The following CREB5 variants were observed in gnomAD, a reference collection of about 807,000 sequenced individuals.
CREB5 encodes the protein cyclic AMP-responsive element-binding protein 5.
A neutral mutation model predicts 57.1 loss-of-function variants in CREB5; 19 were observed. That is an observed-to-expected ratio of 0.33 (90% CI 0.23 to 0.49). CREB5 has a LOEUF of 0.49. Among genes scored for constraint, CREB5 ranks in the 20% least tolerant of loss-of-function variants. The pLI, the probability that CREB5 is intolerant of heterozygous loss-of-function variation, is 0.99. For missense variants in CREB5, 579 were observed against 671.6 expected, an observed-to-expected ratio of 0.86 and a Z score of 1.52; for synonymous variants, 238 against 238.3, an observed-to-expected ratio of 1.00 and a Z score of 0.01.
chr7:28,604,866 G>T (rs546242171), intron 5 of CREB5, among the ~76,000 whole-genome samples: 327 of 151,984 alleles, frequency 2.2e-3, no homozygotes, highest in Non-Finnish European at 4.1e-3. Flanking sequence ...TTTTTCCTTT[G>T]TTTTATTTTT....
intron 1 of CREB5, among the ~76,000 whole-genome samples, chr7:28,361,612 T>C (rs1786485131): frequency 6.6e-6 from 1 of 152,222 alleles, no homozygotes; most frequent in African/African-American, 2.4e-5. Flanking sequence ...CTTGAGTTTA[T>C]TCCTCTGGGG....
At chr7:28,747,941 T>G (rs529867842) in intron 7 of CREB5, among the ~76,000 whole-genome samples, 13 of 152,178 alleles carry the variant, frequency 8.5e-5, no homozygotes, top group African/African-American at 2.6e-4. Context: ...TAACAGGCCC[T>G]TCTAGAATCA....
At chr7:28,773,063 T>C (rs1806415660) in intron 7 of CREB5, among the ~76,000 whole-genome samples, 2 of 152,254 alleles carry the variant, frequency 1.3e-5, no homozygotes, top group Admixed American at 1.3e-4. Flanking sequence ...GTTAGTCTTA[T>C]TTTCAACATG....
chr7:28,660,952 A>G (rs181838053), intron 5 of CREB5, among the ~76,000 whole-genome samples: 2 of 152,170 alleles, frequency 1.3e-5, no homozygotes, highest in African/African-American at 4.8e-5. Context: ...GGTTCCAACC[A>G]CTTTGGCAAT....
intron 5 of CREB5, among the ~76,000 whole-genome samples, chr7:28,606,722 T>G (rs1475527114): frequency 6.6e-6 from 1 of 152,210 alleles, no homozygotes; most frequent in East Asian, 1.9e-4. Context: ...AGATATAAGT[T>G]TATCTGGTGA....
At chr7:28,621,638 TAA>T (rs1797795170) in intron 5 of CREB5, among the ~76,000 whole-genome samples, 1 of 152,150 alleles carries the variant, frequency 6.6e-6, no homozygotes, top group African/African-American at 2.4e-5. Context: ...CCCGTTCATT[TAA>T]AAGAGTGATA....
At chr7:28,496,001 C>G (rs1792025655) in intron 3 of CREB5, among the ~76,000 whole-genome samples, 1 of 151,016 alleles carries the variant, frequency 6.6e-6, no homozygotes, top group African/African-American at 2.5e-5. Flanking sequence ...AGTGAGGAAC[C>G]TGAACTCTAT....
At chr7:28,356,646 T>A (rs1786350398) in intron 1 of CREB5, among the ~76,000 whole-genome samples, 1 of 152,198 alleles carries the variant, frequency 6.6e-6, no homozygotes, top group Non-Finnish European at 1.5e-5. Flanking sequence ...TTCCTTTATG[T>A]GTCATGTAAA....
At chr7:28,669,055 G>A (rs757383961) in intron 5 of CREB5, among the ~76,000 whole-genome samples, 141 of 152,202 alleles carry the variant, frequency 9.3e-4, no homozygotes, top group Non-Finnish European at 1.5e-3. Flanking sequence ...TCTGGCTTGA[G>A]GTACCAGGAA....
At chr7:28,714,886 G>A (rs1490241726) in intron 5 of CREB5, among the ~76,000 whole-genome samples, 1 of 152,188 alleles carries the variant, frequency 6.6e-6, no homozygotes, top group Non-Finnish European at 1.5e-5. Context: ...AGAGGCATAT[G>A]GTTATTAAAA....
At chr7:28,532,442 A>T (rs1447264052) in intron 4 of CREB5, among the ~76,000 whole-genome samples, 1 of 152,182 alleles carries the variant, frequency 6.6e-6, no homozygotes, top group African/African-American at 2.4e-5. Context: ...GCATTGCAAA[A>T]TTGTTATCCA....
chr7:28,559,162 C>T (rs911854216), intron 4 of CREB5, among the ~76,000 whole-genome samples: 3 of 152,152 alleles, frequency 2.0e-5, no homozygotes, highest in South Asian at 2.1e-4. Context: ...TTTTTCCTGT[C>T]GGTTTCCCAG....
intron 1 of CREB5, among the ~76,000 whole-genome samples, chr7:28,385,900 C>T (rs1435777548): frequency 1.3e-5 from 2 of 152,016 alleles, no homozygotes; most frequent in Non-Finnish European, 1.5e-5. Context: ...GAGTGAACCC[C>T]GCTGGTAGGA....
chr7:28,582,904 T>C (rs1796171880), intron 5 of CREB5, among the ~76,000 whole-genome samples: 1 of 152,222 alleles, frequency 6.6e-6, no homozygotes, highest in Non-Finnish European at 1.5e-5. Flanking sequence ...TGATGGTTTT[T>C]TTAAAATTAA....
At chr7:28,482,459 G>A (rs1313189349) in intron 1 of CREB5, among the ~76,000 whole-genome samples, 3 of 152,188 alleles carry the variant, frequency 2.0e-5, no homozygotes, top group East Asian at 1.9e-4. Flanking sequence ...AACAACATTT[G>A]TTCCTAGGAA....
chr7:28,442,006 A>G (rs771620650), intron 1 of CREB5, among the ~76,000 whole-genome samples: 1 of 152,078 alleles, frequency 6.6e-6, no homozygotes, highest in Admixed American at 6.5e-5. Flanking sequence ...ACAGTTAACC[A>G]TATTCACCCT....
At chr7:28,460,034 TCACTACCTGCTGATTACAACTGTTC>T (rs1249979045) in intron 1 of CREB5, among the ~76,000 whole-genome samples, 1 of 152,146 alleles carries the variant, frequency 6.6e-6, no homozygotes, top group East Asian at 1.9e-4. Context: ...CATACCAACT[TCACTACCTGCTGATTACAACTGTTC>T]CACTACTGTA....
upstream of CREB5, chr7:28,410,236 C>T (rs936425868): frequency 2.2e-6 from 1 of 454,458 alleles, no homozygotes; most frequent in Non-Finnish European, 4.4e-6. Flanking sequence ...AGCGGCGAGG[C>T]TCCGTCCGCT....
At chr7:28,459,850 A>G (rs1383510288) in intron 1 of CREB5, among the ~76,000 whole-genome samples, 1 of 152,140 alleles carries the variant, frequency 6.6e-6, no homozygotes, top group Admixed American at 6.5e-5. Flanking sequence ...TGCTTCATAT[A>G]TATTATCTTG....
Sources: gnomAD v4.1 joint callset for allele counts (sites outside exome capture counted in the v4.1 genomes callset) on GRCh38, gnomAD v4.1.1 for gene constraint, MANE v1.5 for transcripts, NCBI Gene and HGNC (gene_info 2026-07-23, HGNC 2026-07-21) for gene names.